CYP7B1: variants seen among roughly 807,000 people sequenced by gnomAD.
CYP7B1 encodes cytochrome P450 7B1.
Under a neutral mutation model 42.7 loss-of-function variants are expected in CYP7B1, and 29 were observed. That is an observed-to-expected ratio of 0.68 (90% CI 0.51 to 0.93). CYP7B1 has a LOEUF of 0.93. Among genes scored for constraint, CYP7B1 ranks in the 40% least tolerant of loss-of-function variants. The probability of loss-of-function intolerance (pLI) is 0.00; values close to 1 mark genes in which losing one functional copy is unlikely to be tolerated. For synonymous variants in CYP7B1, 235 were observed against 218.2 expected, an observed-to-expected ratio of 1.08 and a Z score of -0.68; for missense variants, 655 against 600.5, an observed-to-expected ratio of 1.09 and a Z score of -0.95.
intron 1 of CYP7B1, among the ~76,000 whole-genome samples, chr8:64,701,237 T>C (rs1051040336): frequency 3.3e-4 from 50 of 151,928 alleles, no homozygotes; most frequent in African/African-American, 1.1e-3. Context: ...TTAACCTGGG[T>C]TCACCAGTGA....
Position 64,798,686 on chromosome 8 carries a change from C to A in CYP7B1, c.-99G>T, listed in dbSNP as rs886063078. 2 of 1,333,974 alleles carry A rather than the reference C, an allele frequency of 1.5e-6. No individual in the cohort carries two copies. The highest frequency in any genetic ancestry group is 1.9e-6 in the Non-Finnish European group (2 of 1,028,350). The allele number at this position is 1,333,974 out of a possible 1,614,324, so 82.6% of individuals were successfully genotyped here. On this transcript the variant is annotated 5_prime_UTR_variant, in exon 1 of 6. Transcript: ENST00000310193. ...GCGGCGGCTTCTCTCGGCGGCGCCC[C>A]CTAGTCCAGGGCCGGAGAGGCTGGC...
downstream of CYP7B1, among the ~76,000 whole-genome samples, chr8:64,589,492 C>A (rs867438921): frequency 6.6e-5 from 10 of 152,016 alleles, no homozygotes; most frequent in Non-Finnish European, 7.4e-5. Flanking sequence ...TTCCATTTGA[C>A]GTAGAAAACA....
chr8:64,707,627 G>A (rs951160768), intron 1 of CYP7B1, among the ~76,000 whole-genome samples: 2 of 152,030 alleles, frequency 1.3e-5, no homozygotes, highest in African/African-American at 4.8e-5. Flanking sequence ...ATCTTGGGTA[G>A]TCAGTTATCA....
At chr8:64,767,430 G>C (rs895524527) in intron 1 of CYP7B1, among the ~76,000 whole-genome samples, 7 of 152,214 alleles carry the variant, frequency 4.6e-5, no homozygotes. Context: ...CCCTAGTATG[G>C]GGTAATCCCC....
At chr8:64,719,459 C>A (rs1807206131) in intron 1 of CYP7B1, among the ~76,000 whole-genome samples, 1 of 152,172 alleles carries the variant, frequency 6.6e-6, no homozygotes, top group African/African-American at 2.4e-5. Flanking sequence ...AGTTTATCAG[C>A]TAGGACAGAT....
At chr8:64,632,282 C>T (rs1410034046) in intron 1 of CYP7B1, among the ~76,000 whole-genome samples, 1 of 152,042 alleles carries the variant, frequency 6.6e-6, no homozygotes, top group South Asian at 2.1e-4. Context: ...CACAGATAAA[C>T]GCGGAGGACA....
In CYP7B1 at chr8:64,693,146, C is replaced by G. The variant is rs191030305; in HGVS notation, c.123-68607G>C. ...CAGAGCCTAGCCAGAGTATGTCGTT[C>G]AGACATGATCTGCATGACAGAGTAC... On this transcript the variant is annotated intron_variant, in intron 1 of 5. Transcript: ENST00000310193. 8.5e-5 allele frequency among the ~76,000 whole-genome samples: 13 copies of G among 152,346 alleles called. No individual in the cohort carries two copies. In the East Asian group the frequency reaches 2.5e-3, roughly 29 times the overall value.
chr8:64,791,948 G>A (rs1419707658), intron 1 of CYP7B1, among the ~76,000 whole-genome samples: 1 of 152,164 alleles, frequency 6.6e-6, no homozygotes, highest in Admixed American at 6.5e-5. Context: ...AAAGAATTAA[G>A]TAAGGGGTAT....
intron 1 of CYP7B1, among the ~76,000 whole-genome samples, chr8:64,712,257 T>C (rs1807091854): frequency 6.6e-6 from 1 of 151,894 alleles, no homozygotes; most frequent in African/African-American, 2.4e-5. Flanking sequence ...GACAAAATTA[T>C]AGATCCATCA....
intron 1 of CYP7B1, among the ~76,000 whole-genome samples, chr8:64,760,108 C>G (rs995192682): frequency 2.0e-5 from 3 of 152,074 alleles, no homozygotes; most frequent in South Asian, 2.1e-4. Flanking sequence ...ATATGATCAG[C>G]TAATCTTCAA....
At chr8:64,705,491 C>A (rs949261380) in intron 1 of CYP7B1, among the ~76,000 whole-genome samples, 5 of 150,864 alleles carry the variant, frequency 3.3e-5, no homozygotes, top group African/African-American at 1.2e-4. Context: ...ATCATATATC[C>A]TAATTTGATG....
At chr8:64,795,019 A>C (rs1245121892) in intron 1 of CYP7B1, among the ~76,000 whole-genome samples, 1 of 152,224 alleles carries the variant, frequency 6.6e-6, no homozygotes, top group Non-Finnish European at 1.5e-5. Context: ...TCAGAAAAAA[A>C]AAAGCAACAA....
intron 1 of CYP7B1, among the ~76,000 whole-genome samples, chr8:64,788,250 A>G (rs1158503007): frequency 6.6e-6 from 1 of 152,222 alleles, no homozygotes; most frequent in Non-Finnish European, 1.5e-5. Flanking sequence ...AGGTGTTAAT[A>G]GTAAGGGAAT....
At chr8:64,746,187 T>C (rs1190174090) in intron 1 of CYP7B1, among the ~76,000 whole-genome samples, 4 of 152,188 alleles carry the variant, frequency 2.6e-5, no homozygotes, top group Non-Finnish European at 5.9e-5. Flanking sequence ...TAAAACTGTA[T>C]AGACTTTCAT....
At chr8:64,724,527 G>T (rs374919764) in intron 1 of CYP7B1, among the ~76,000 whole-genome samples, 2 of 152,138 alleles carry the variant, frequency 1.3e-5, no homozygotes, top group South Asian at 2.1e-4. Flanking sequence ...CAATGAGCCT[G>T]TAATAGTTAA....
chr8:64,598,972 A>G (rs1805158667), intron 5 of CYP7B1, among the ~76,000 whole-genome samples: 1 of 152,218 alleles, frequency 6.6e-6, no homozygotes, highest in African/African-American at 2.4e-5. Flanking sequence ...TTGCCTAGGC[A>G]TGGAAAACCT....
At position 64,639,449 on chromosome 8, in the gene CYP7B1, G is replaced by C. The variant is rs568995394; in HGVS notation, c.123-14910C>G. Among the ~76,000 whole-genome samples the C allele has an allele frequency of 3.3e-5, 5 of 152,046 alleles. No individual in the cohort carries two copies. The South Asian group carries it at 1.0e-3, about 32-fold the overall frequency. On this transcript the variant is annotated intron_variant, in intron 1 of 5. Coordinates refer to ENST00000310193, the MANE Select transcript of CYP7B1 (RefSeq NM_004820.5). ...GACAAACAATCTGATTTAAAAAATG[G>C]GCAAGAGGTTTGAATAAACATTTCA...
At chr8:64,661,230 G>C (rs1239231290) in intron 1 of CYP7B1, among the ~76,000 whole-genome samples, 4 of 152,152 alleles carry the variant, frequency 2.6e-5, no homozygotes, top group Non-Finnish European at 5.9e-5. Flanking sequence ...GAGTAGTGTG[G>C]GGATGGCCTT....
At chr8:64,635,785 C>A (rs905592959) in intron 1 of CYP7B1, among the ~76,000 whole-genome samples, 20 of 152,210 alleles carry the variant, frequency 1.3e-4, no homozygotes, top group Non-Finnish European at 2.6e-4. Context: ...CATATACCAG[C>A]TGAATCTTTA....
Sources: allele counts gnomAD v4.1 joint callset (sites outside exome capture counted in the v4.1 genomes callset), GRCh38; gene constraint gnomAD v4.1.1; transcripts MANE v1.5; gene names NCBI Gene and HGNC (gene_info 2026-07-23, HGNC 2026-07-21).